ATRN: variants seen among roughly 807,000 people sequenced by gnomAD.
ATRN encodes the protein attractin-2.
ATRN carries 54 observed loss-of-function variants against 178.7 expected under a neutral mutation model. That is an observed-to-expected ratio of 0.30 (90% CI 0.24 to 0.38). The LOEUF (loss-of-function observed/expected upper bound fraction) is 0.38. Ranked by LOEUF, ATRN falls within the 10% of genes least tolerant of loss-of-function variation. ATRN has a pLI of 1.00. For synonymous variants in ATRN, 636 were observed against 663.0 expected (o/e 0.96, Z 0.63); for missense variants, 1,443 against 1,815.1 (o/e 0.79, Z 3.73).
chr20:3,505,694 T>C (rs1307948178), intron 1 of ATRN, among the ~76,000 whole-genome samples: 1 of 152,188 alleles, frequency 6.6e-6, no homozygotes, highest in Non-Finnish European at 1.5e-5. Flanking sequence ...GCAGAGTGGA[T>C]GAAGAAACAT....
At chr20:3,533,054 G>A (rs945987212) in intron 1 of ATRN, among the ~76,000 whole-genome samples, 2 of 152,304 alleles carry the variant, frequency 1.3e-5, no homozygotes, top group African/African-American at 4.8e-5. Context: ...GAGCCACCAC[G>A]CCCAGCCTAT....
chr20:3,573,607 G>A (rs1043487154), intron 12 of ATRN, among the ~76,000 whole-genome samples: 3 of 152,060 alleles, frequency 2.0e-5, no homozygotes, highest in Non-Finnish European at 2.9e-5. Context: ...GAGGATGGGC[G>A]ATGATCCCTG....
intron 5 of ATRN, among the ~76,000 whole-genome samples, chr20:3,548,914 G>A (rs111587665): frequency 1.1e-4 from 16 of 152,218 alleles, no homozygotes; most frequent in African/African-American, 3.9e-4. Context: ...TCTCCTGAGA[G>A]TTGCTTAAGC....
chr20:3,493,393 C>G (rs2084834848), intron 1 of ATRN, among the ~76,000 whole-genome samples: 1 of 151,310 alleles, frequency 6.6e-6, no homozygotes, highest in African/African-American at 2.4e-5. Flanking sequence ...CTACTAGCCT[C>G]AAGCGATCCA....
At chr20:3,607,972 T>C (rs2086699062) in intron 24 of ATRN, among the ~76,000 whole-genome samples, 1 of 152,250 alleles carries the variant, frequency 6.6e-6, no homozygotes, top group African/African-American at 2.4e-5. Context: ...TGGTTACTGA[T>C]GTTGAGATTT....
chr20:3,598,709 G>C (rs1457991124), intron 22 of ATRN, among the ~76,000 whole-genome samples: 1 of 152,158 alleles, frequency 6.6e-6, no homozygotes, highest in African/African-American at 2.4e-5. Flanking sequence ...AGATGCACCT[G>C]TACAGTTTCT....
At chr20:3,562,536 CT>C in intron 9 of ATRN, 77 bp downstream of exon 9, 4 of 1,477,324 alleles carry the variant, frequency 2.7e-6, no homozygotes, top group Non-Finnish European at 3.7e-6. Context: ...ATTGTGCTAT[CT>C]TTTTGTTTTC....
In ATRN at chr20:3,645,834, G is replaced by A. The variant is rs1302851759; in HGVS notation, c.4166-889G>A. Among the ~76,000 whole-genome samples, 1 of 151,762 alleles carries A rather than the reference G, an allele frequency of 6.6e-6. No individual in the cohort carries two copies. Among genetic ancestry groups the A allele is most frequent in the African/African-American group, 2.4e-5 (1 of 41,266 alleles). On this transcript the variant is annotated intron_variant, in intron 28 of 28. Transcript: ENST00000262919. This position sits in a 1 kb window ranked among gnomAD's most constrained non-coding sequence, Gnocchi z 4.7. The stretch of plus-strand genomic sequence containing the variant: ...ACAACTCCTGGCAGGTCTCAGCAGA[G>A]CTCCGAGCCTGCGCTGGCCATTTCC...
chr20:3,477,180 G>A lies in ATRN; in HGVS notation c.410+5663G>A, dbSNP rs577793117. Among the ~76,000 whole-genome samples the A allele has an allele frequency of 4.6e-5, 5 of 107,576 alleles. No homozygotes were observed. In the East Asian group the frequency reaches 8.9e-4, roughly 19 times the overall value. The allele number at this position is 107,576 out of a possible 152,430, so 70.6% of individuals were successfully genotyped here. A position where few individuals can be genotyped will look rare whatever the true frequency, so the allele number is the denominator to read the frequency against. ...CCCCAGTGCAATGTAAGTTCCATGA[G>A]GGCAGGGGCCCAGAGCATAGTTCAC... is the stretch of plus-strand genomic sequence containing the variant. On this transcript the variant is annotated intron_variant, in intron 1 of 28. Transcript: ENST00000262919.
chr20:3,490,316 C>T (rs2084770510), intron 1 of ATRN: 1 of 1,017,084 alleles, frequency 9.8e-7, no homozygotes, highest in Non-Finnish European at 1.6e-6. Flanking sequence ...GGTCAGAGCG[C>T]TGCTTGTCTC....
At chr20:3,553,907 AT>A (rs1273244687) in intron 6 of ATRN, among the ~76,000 whole-genome samples, 1 of 151,952 alleles carries the variant, frequency 6.6e-6, no homozygotes, top group Admixed American at 6.6e-5. Context: ...ATTTTTTGTT[AT>A]GTCAGTGCAC....
rs1401534806 is a variant in ATRN at position 3,535,287 on chromosome 20, C to G, written c.445C>G (p.Pro149Ala). The change falls in exon 2 of 29, where the codon CCT (proline) becomes GCT (alanine). Residue 149 changes from proline (P) to alanine (A), a missense_variant. Physicochemically the swap from Pro to Ala is conservative, Grantham distance 27. Coordinates refer to ENST00000262919, the MANE Select transcript of ATRN (RefSeq NM_139321.3). ...ATCTTCTGGGTTTGTGACAGATGGA[C>G]CTGGAAATTATAAATACAAAACGAA... ...TGSSGFVTDG[P>A]GNYKYKTKCT... is the part of the protein sequence containing the mutation. 6.5e-7 allele frequency: 1 copy of G among 1,547,144 alleles called. No individual in the cohort carries two copies. The highest frequency in any genetic ancestry group is 8.8e-7 in the Non-Finnish European group (1 of 1,139,722).
chr20:3,598,362 G>C (rs1276841418), intron 22 of ATRN, among the ~76,000 whole-genome samples: 1 of 152,140 alleles, frequency 6.6e-6, no homozygotes. Context: ...AGACACTGCT[G>C]ATTGAAATGC....
intron 1 of ATRN, among the ~76,000 whole-genome samples, chr20:3,500,129 A>G (rs2084936708): frequency 6.6e-6 from 1 of 152,286 alleles, no homozygotes; most frequent in Admixed American, 6.5e-5. Flanking sequence ...CAAAACCACA[A>G]TGAGATACCA....
At chr20:3,593,382 G>T (rs867269654) in intron 19 of ATRN, among the ~76,000 whole-genome samples, 1 of 152,150 alleles carries the variant, frequency 6.6e-6, no homozygotes, top group Non-Finnish European at 1.5e-5. Flanking sequence ...TTTCTTGAAT[G>T]CTTACTGTGT....
intron 26 of ATRN, among the ~76,000 whole-genome samples, chr20:3,634,935 T>A (rs950051891): frequency 1.3e-5 from 2 of 152,182 alleles, no homozygotes; most frequent in Non-Finnish European, 2.9e-5. Flanking sequence ...CTGACAAATT[T>A]AAATAAATAA....
At chr20:3,620,311 C>G (rs1372303691) in intron 24 of ATRN, among the ~76,000 whole-genome samples, 2 of 152,178 alleles carry the variant, frequency 1.3e-5, no homozygotes, top group Non-Finnish European at 2.9e-5. Flanking sequence ...GTGGTGCGAT[C>G]TTGGCTTACC....
chr20:3,563,510 T>A, intron 10 of ATRN, 147 bp downstream of exon 10: 1 of 812,068 alleles, frequency 1.2e-6, no homozygotes, highest in Non-Finnish European at 1.9e-6. Flanking sequence ...TTCATTTGAC[T>A]AATGTTACAC....
chr20:3,616,666 G>A (rs572718695), intron 24 of ATRN, among the ~76,000 whole-genome samples: 1 of 152,214 alleles, frequency 6.6e-6, no homozygotes, highest in East Asian at 1.9e-4. Context: ...ATGTGACTGG[G>A]AATTGTTGAG....
Sources: gnomAD v4.1 joint callset for allele counts (sites outside exome capture counted in the v4.1 genomes callset) on GRCh38, gnomAD v4.1.1 for gene constraint, Gnocchi (gnomAD v3.1) non-coding constraint, MANE v1.5 for transcripts, NCBI Gene and HGNC (gene_info 2026-07-23, HGNC 2026-07-21) for gene names.